The following CENPC variants were observed in gnomAD, a reference collection of about 807,000 sequenced individuals.
The protein encoded by CENPC is centromere protein C.
CENPC carries 63 observed loss-of-function variants against 112.1 expected under a neutral mutation model. The ratio of observed to expected loss-of-function variants is 0.56; its 90% CI spans 0.46 to 0.69. CENPC has a LOEUF of 0.69. CENPC is among the 30% of genes least tolerant of loss of function. CENPC has a pLI of 0.00. For synonymous variants in CENPC, 333 were observed against 367.6 expected, an observed-to-expected ratio of 0.91 and a Z score of 1.08; for missense variants, 1,000 against 1,103.8, an observed-to-expected ratio of 0.91 and a Z score of 1.33.
In CENPC at chr4:67,530,810, C is replaced by T; in HGVS notation, c.331+5G>A. On this transcript the variant is annotated splice_donor_5th_base_variant and intron_variant, in intron 5 of 18. Transcript: ENST00000273853. ...GCAAATAATGCCCATGGAGATGGCA[C>T]CAACCTGATCTGTTTGTGGCTTCAC... 1 of 1,524,842 alleles carries T rather than the reference C, an allele frequency of 6.6e-7. No individual in the cohort carries two copies. The highest frequency in any genetic ancestry group is 9.0e-7 in the Non-Finnish European group (1 of 1,115,836). 94.5% of individuals were successfully genotyped at this position (1,524,842 alleles called of 1,614,324 possible).
intron 1 of CENPC, 97 bp downstream of exon 1, chr4:67,545,241 A>C: frequency 8.1e-7 from 1 of 1,232,712 alleles, no homozygotes; most frequent in Non-Finnish European, 1.1e-6. Flanking sequence ...CTCAGAGATC[A>C]CAGCCTCAGC....
At chr4:67,544,305 T>G in intron 1 of CENPC, 110 bp from the exon 2 acceptor site, 1 of 634,882 alleles carries the variant, frequency 1.6e-6, no homozygotes, top group Non-Finnish European at 2.9e-6. Flanking sequence ...AAACATCTCC[T>G]AAGGGCTCAA....
Position 67,514,628 on chromosome 4 carries a change from T to G in CENPC, c.890A>C (p.Lys297Thr). The G allele has an allele frequency of 6.2e-7, 1 of 1,607,904 alleles. No individual in the cohort carries two copies. The highest frequency in any genetic ancestry group is 1.3e-5 in the African/African-American group (1 of 74,922). ...PPHSCPPDDT[K>T]LIEDEFIIDE... Reference sequence around the variant, plus strand: ...AATTATAAATTCATCCTCTATCAACTTCGTATCATCGGGAGGACACGAATG... The same window carrying G: ...AATTATAAATTCATCCTCTATCAACGTCGTATCATCGGGAGGACACGAATG... The change falls in exon 8 of 19, where the codon AAG becomes ACG. Residue 297 changes from lysine (K) to threonine (T), a missense_variant. Physicochemically the swap from Lys to Thr is moderately conservative, Grantham distance 78. Coordinates refer to ENST00000273853, the MANE Select transcript of CENPC (RefSeq NM_001812.4).
chr4:67,544,070 T>G (rs1040882681), intron 2 of CENPC, 79 bp downstream of exon 2: 1 of 747,290 alleles, frequency 1.3e-6, no homozygotes, highest in East Asian at 2.7e-5. Flanking sequence ...TCAGAGGTGA[T>G]AGTTTTTCCT....
At chr4:67,536,122 C>T (rs1726711340) in intron 4 of CENPC, among the ~76,000 whole-genome samples, 1 of 151,828 alleles carries the variant, frequency 6.6e-6, no homozygotes, top group South Asian at 2.1e-4. Flanking sequence ...CAGAAAAATA[C>T]CTGTAACAAC....
At chr4:67,496,283 C>T (rs1417334745) in intron 12 of CENPC, among the ~76,000 whole-genome samples, 60 of 152,158 alleles carry the variant, frequency 3.9e-4, no homozygotes, top group Admixed American at 3.9e-3. Flanking sequence ...ACTCCAGCCC[C>T]AGCAGCTTGC....
chr4:67,515,162 C>T (rs1294897787), intron 7 of CENPC, among the ~76,000 whole-genome samples: 2 of 151,940 alleles, frequency 1.3e-5, no homozygotes, highest in African/African-American at 2.4e-5. Context: ...TGGACTACTA[C>T]TAAATTATAA....
chr4:67,537,605 C>T (rs113368105), intron 4 of CENPC, among the ~76,000 whole-genome samples: 1 of 152,192 alleles, frequency 6.6e-6, no homozygotes, highest in African/African-American at 2.4e-5. Flanking sequence ...CCAGCCTGGC[C>T]AACATGGTTA....
chr4:67,496,854 T>C (rs1332133809), intron 12 of CENPC, among the ~76,000 whole-genome samples: 1 of 151,998 alleles, frequency 6.6e-6, no homozygotes, highest in African/African-American at 2.4e-5. Context: ...GTATGTGAAG[T>C]CTAGCTTAAT....
chr4:67,535,061 C>A (rs1578006782), intron 4 of CENPC, among the ~76,000 whole-genome samples: 1 of 151,970 alleles, frequency 6.6e-6, no homozygotes, highest in African/African-American at 2.4e-5. Flanking sequence ...ACAGTATTCT[C>A]AACAGGAGAA....
At chr4:67,537,661 T>C (rs1049977001) in intron 4 of CENPC, among the ~76,000 whole-genome samples, 5 of 151,932 alleles carry the variant, frequency 3.3e-5, no homozygotes, top group African/African-American at 1.2e-4. Flanking sequence ...GGTGTGGAGA[T>C]GGGCGCCTGT....
At chr4:67,487,368 T>C (rs1725122589) in intron 17 of CENPC, among the ~76,000 whole-genome samples, 1 of 151,738 alleles carries the variant, frequency 6.6e-6, no homozygotes, top group African/African-American at 2.4e-5. Flanking sequence ...ATATAATTGA[T>C]ACATATCAAT....
chr4:67,495,395 T>C (rs998333247), intron 12 of CENPC, among the ~76,000 whole-genome samples, 183 bp from the exon 13 acceptor site: 5 of 152,262 alleles, frequency 3.3e-5, no homozygotes, highest in Non-Finnish European at 7.3e-5. Context: ...ACTATTTCTC[T>C]AGACTTTGCT....
rs189486728 is a variant in CENPC, at chr4:67,517,665, C to T, written c.830+491G>A. Among the ~76,000 whole-genome samples, 296 of 151,754 alleles carry T rather than the reference C, an allele frequency of 2.0e-3. 1 individual carries two copies. The Middle Eastern group carries it at 0.02, about 10-fold the overall frequency. ...CCAGCCTGACCAACATGGGGATATC[C>T]CATCTCTACTAAAAATACAAATATT... On this transcript the variant is annotated intron_variant, in intron 7 of 18. Transcript: ENST00000273853.
chr4:67,488,494 T>A (rs1174589222), intron 17 of CENPC, among the ~76,000 whole-genome samples: 1 of 152,016 alleles, frequency 6.6e-6, no homozygotes, highest in East Asian at 1.9e-4. Flanking sequence ...AGTCACAGGT[T>A]ACAGGGTATG....
chr4:67,515,041 C>T (rs1235557166), intron 7 of CENPC, among the ~76,000 whole-genome samples: 1 of 148,068 alleles, frequency 6.8e-6, no homozygotes, highest in Non-Finnish European at 1.5e-5. Context: ...TATATATAAT[C>T]TTATATTAAA....
intron 12 of CENPC, among the ~76,000 whole-genome samples, chr4:67,496,468 T>C (rs1356861890): frequency 6.6e-6 from 1 of 152,216 alleles, no homozygotes; most frequent in African/African-American, 2.4e-5. Context: ...CACCTAAAAC[T>C]GCAAATACAA....
Position 67,524,171 on chromosome 4 carries a change from C to T in CENPC, c.332-4669G>A, listed in dbSNP as rs563829266. ...CAAAATTGACAACTATAAGAAGACA[C>T]CAACCATCAATATGTGGAATAAAAT... is the stretch of plus-strand genomic sequence containing the variant. On this transcript the variant is annotated intron_variant, in intron 5 of 18. Coordinates refer to ENST00000273853, the MANE Select transcript of CENPC (RefSeq NM_001812.4). 5.9e-5 allele frequency among the ~76,000 whole-genome samples: 9 copies of T among 152,052 alleles called. No homozygotes were observed. In the South Asian group the frequency reaches 1.9e-3, roughly 32 times the overall value.
intron 12 of CENPC, among the ~76,000 whole-genome samples, chr4:67,500,868 G>A (rs994462500): frequency 1.3e-5 from 2 of 152,148 alleles, no homozygotes; most frequent in Non-Finnish European, 2.9e-5. Context: ...GTATGTTAAG[G>A]TTGGTGAATG....
Sources: allele counts gnomAD v4.1 joint callset (sites outside exome capture counted in the v4.1 genomes callset), GRCh38; gene constraint gnomAD v4.1.1; transcripts MANE v1.5; gene names NCBI Gene and HGNC (gene_info 2026-07-23, HGNC 2026-07-21).